GABRG3: variants seen among roughly 807,000 people sequenced by gnomAD.
The protein encoded by GABRG3 is gamma-aminobutyric acid type A receptor subunit gamma3, also known as gamma-aminobutyric acid receptor subunit gamma-3.
A neutral mutation model predicts 48.8 loss-of-function variants in GABRG3; 25 were observed. That is an observed-to-expected ratio of 0.51 (90% confidence interval 0.37 to 0.72). The LOEUF (loss-of-function observed/expected upper bound fraction) is 0.72. GABRG3 is among the 30% of genes least tolerant of loss of function. GABRG3 has a pLI of 0.00. For synonymous variants in GABRG3, 227 were observed against 217.6 expected, an observed-to-expected ratio of 1.04 and a Z score of -0.38; for missense variants, 394 against 577.9, an observed-to-expected ratio of 0.68 and a Z score of 3.26.
In GABRG3 at chr15:27,296,189, G is replaced by A. The variant is rs114119649; in HGVS notation, c.271-30620G>A. On this transcript the variant is annotated intron_variant, in intron 3 of 9. Transcript: ENST00000615808. The stretch of plus-strand genomic sequence containing the variant: ...GGCTGAAAGCAAGTGACCCTAGACA[G>A]TAATTTAAATCCACATGAAAAAGGC... Among the ~76,000 whole-genome samples the A allele has an allele frequency of 9.3e-3, 1,424 of 152,312 alleles. 20 individuals carry two copies. Among genetic ancestry groups the A allele is most frequent in the African/African-American group, 0.033 (1,373 of 41,558 alleles).
intron 3 of GABRG3, among the ~76,000 whole-genome samples, chr15:27,052,053 T>C (rs1380164329): frequency 6.6e-6 from 1 of 152,208 alleles, no homozygotes; most frequent in Non-Finnish European, 1.5e-5. Context: ...ATGAAGCTTC[T>C]CTTGCTCGCC....
chr15:27,134,082 A>G (rs1271587911), intron 3 of GABRG3, among the ~76,000 whole-genome samples: 1 of 152,204 alleles, frequency 6.6e-6, no homozygotes, highest in South Asian at 2.1e-4. Context: ...CACCAAAGGG[A>G]AAGCGAATTT....
At chr15:27,459,045 T>C (rs956357487) in intron 5 of GABRG3, among the ~76,000 whole-genome samples, 2 of 152,204 alleles carry the variant, frequency 1.3e-5, no homozygotes, top group Non-Finnish European at 2.9e-5. Context: ...CACCCATAAG[T>C]CTTCTCTCTC....
At chr15:27,346,807 C>T (rs1178134529) in intron 5 of GABRG3, among the ~76,000 whole-genome samples, 1 of 152,126 alleles carries the variant, frequency 6.6e-6, no homozygotes, top group Non-Finnish European at 1.5e-5. Context: ...TTCCAGCTCT[C>T]TGTTTACATT....
chr15:27,251,960 C>G (rs1036375761), intron 3 of GABRG3, among the ~76,000 whole-genome samples: 3 of 152,170 alleles, frequency 2.0e-5, no homozygotes, highest in Admixed American at 2.0e-4. Flanking sequence ...TGTGAGCCTG[C>G]GGGGACTTAC....
At chr15:27,308,167 T>TATTTTTATATATCCAAACATATATAAAC (rs1566773250) in intron 3 of GABRG3, among the ~76,000 whole-genome samples, 1 of 21,282 alleles carries the variant, frequency 4.7e-5, no homozygotes, top group Non-Finnish European at 9.0e-5. Flanking sequence ...TATAAACATA[T>TATTTTTATATATCCAAACATATATAAAC]ATGTTTATAT....
chr15:27,145,603 C>CTCTATCTATCTATCA (rs1555405980), intron 3 of GABRG3, among the ~76,000 whole-genome samples: 5 of 102,298 alleles, frequency 4.9e-5, no homozygotes, highest in African/African-American at 1.1e-4. Context: ...ATATATCTAT[C>CTCTATCTATCTATCA]TCTATCTATC....
chr15:27,064,143 G>A (rs1228699845), intron 3 of GABRG3, among the ~76,000 whole-genome samples: 1 of 152,212 alleles, frequency 6.6e-6, no homozygotes, highest in African/African-American at 2.4e-5. Context: ...GAGAGTGCAG[G>A]GTGGAGGTAC....
chr15:27,030,393 G>A (rs1896062345), intron 3 of GABRG3, among the ~76,000 whole-genome samples: 1 of 152,162 alleles, frequency 6.6e-6, no homozygotes, highest in African/African-American at 2.4e-5. Flanking sequence ...AAATGAAGTT[G>A]TGTCTCAATC....
intron 3 of GABRG3, among the ~76,000 whole-genome samples, chr15:27,152,799 A>T (rs1898341488): frequency 6.6e-6 from 1 of 151,986 alleles, no homozygotes; most frequent in Non-Finnish European, 1.5e-5. Context: ...CCAGTGGAGC[A>T]TCCTACAATT....
intron 3 of GABRG3, among the ~76,000 whole-genome samples, chr15:27,133,355 T>C: frequency 6.6e-6 from 1 of 152,196 alleles, no homozygotes; most frequent in East Asian, 1.9e-4. Context: ...CACTTCCACA[T>C]GCCTTTTCTA....
At chr15:27,414,987 C>A (rs1887899711) in intron 5 of GABRG3, among the ~76,000 whole-genome samples, 1 of 152,228 alleles carries the variant, frequency 6.6e-6, no homozygotes, top group South Asian at 2.1e-4. Flanking sequence ...CGGCATTTAT[C>A]CTGCTTAAGG....
intron 3 of GABRG3, among the ~76,000 whole-genome samples, chr15:27,150,275 C>T (rs1185456879): frequency 6.6e-6 from 1 of 152,068 alleles, no homozygotes; most frequent in Non-Finnish European, 1.5e-5. Context: ...AGTCAGTTTC[C>T]TCTGGGGAGT....
chr15:27,324,743 T>G (rs1893549270), intron 3 of GABRG3, among the ~76,000 whole-genome samples: 1 of 152,212 alleles, frequency 6.6e-6, no homozygotes, highest in South Asian at 2.1e-4. Flanking sequence ...TTCAGAGTTC[T>G]TTCTCTGTGC....
At chr15:27,207,227 T>A (rs1368165691) in intron 3 of GABRG3, among the ~76,000 whole-genome samples, 1 of 152,174 alleles carries the variant, frequency 6.6e-6, no homozygotes, top group Admixed American at 6.5e-5. Flanking sequence ...TCACCAACAC[T>A]GTAATTCAGG....
chr15:27,210,251 C>G (rs1021068930), intron 3 of GABRG3, among the ~76,000 whole-genome samples: 6 of 152,322 alleles, frequency 3.9e-5, no homozygotes, highest in Middle Eastern at 6.8e-3. Flanking sequence ...ACACCTGTAA[C>G]TCCTTTGGAA....
intron 3 of GABRG3, among the ~76,000 whole-genome samples, chr15:27,268,105 G>A (rs1182006717): frequency 1.3e-5 from 2 of 152,140 alleles, no homozygotes; most frequent in Non-Finnish European, 2.9e-5. Context: ...AAGGTGTGTA[G>A]ACAGTAGGTT....
intron 3 of GABRG3, among the ~76,000 whole-genome samples, chr15:27,295,738 G>A (rs562676501): frequency 1.1e-4 from 16 of 152,260 alleles, no homozygotes; most frequent in African/African-American, 3.6e-4. Flanking sequence ...GGTAAAGTCT[G>A]CAAACTTCAG....
chr15:27,423,217 C>CAAAA (rs112058241), intron 5 of GABRG3, among the ~76,000 whole-genome samples: 3 of 16,572 alleles, frequency 1.8e-4, no homozygotes, highest in African/African-American at 4.2e-4. Context: ...CCCAGGTATA[C>CAAAA]AAAAAAAAAA....
Sources: gnomAD v4.1 joint callset for allele counts (sites outside exome capture counted in the v4.1 genomes callset) on GRCh38, gnomAD v4.1.1 for gene constraint, MANE v1.5 for transcripts, NCBI Gene and HGNC (gene_info 2026-07-23, HGNC 2026-07-21) for gene names.